GPHN: variants seen among roughly 807,000 people sequenced by gnomAD.
GPHN encodes the protein gephyrin.
GPHN carries 17 observed loss-of-function variants against 95.5 expected under a neutral mutation model. That is an observed-to-expected ratio of 0.18 (90% CI 0.12 to 0.27). The LOEUF (loss-of-function observed/expected upper bound fraction) is 0.27, where lower values mean the gene tolerates loss of function less well. Among genes scored for constraint, GPHN ranks in the 10% least tolerant of loss-of-function variants. GPHN has a pLI of 1.00. For missense variants in GPHN, 660 were observed against 978.1 expected, an observed-to-expected ratio of 0.67 and a Z score of 4.34; for synonymous variants, 320 against 322.5, an observed-to-expected ratio of 0.99 and a Z score of 0.08.
the GPHN span, chr14:67,388,443 T>A: frequency 7.9e-5 from 52 of 656,744 alleles, no homozygotes; most frequent in Non-Finnish European, 1.3e-4. Flanking sequence ...GGACATCACA[T>A]GGCCAAAGCT....
chr14:67,702,689 G>A, the GPHN span, among the ~76,000 whole-genome samples: 1 of 152,282 alleles, frequency 6.6e-6, no homozygotes, highest in African/African-American at 2.4e-5. Context: ...ACTAATTTAT[G>A]AGTGCTCATT....
chr14:66,844,022 G>T (rs777905237), intron 4 of GPHN, among the ~76,000 whole-genome samples: 5 of 151,770 alleles, frequency 3.3e-5, no homozygotes, highest in Non-Finnish European at 7.4e-5. Flanking sequence ...TTTTTAATAA[G>T]ACCAGAAGAT....
the GPHN span, among the ~76,000 whole-genome samples, chr14:67,234,264 G>C: frequency 6.6e-6 from 1 of 152,156 alleles, no homozygotes; most frequent in Non-Finnish European, 1.5e-5. Flanking sequence ...CAATTTTAGA[G>C]CTTTGGGACA....
At chr14:67,253,723 C>T in the GPHN span, among the ~76,000 whole-genome samples, 1 of 151,916 alleles carries the variant, frequency 6.6e-6, no homozygotes, top group Non-Finnish European at 1.5e-5. Flanking sequence ...TTCCTGTAGT[C>T]CCAGCTACTT....
At chr14:67,134,864 T>C (rs2079950554) in intron 17 of GPHN, among the ~76,000 whole-genome samples, 1 of 151,332 alleles carries the variant, frequency 6.6e-6, no homozygotes, top group Non-Finnish European at 1.5e-5. Flanking sequence ...TTCTCTTTCT[T>C]TTTTAATTTT....
chr14:66,913,691 C>G (rs1473755461), intron 5 of GPHN, among the ~76,000 whole-genome samples: 1 of 152,058 alleles, frequency 6.6e-6, no homozygotes, highest in Non-Finnish European at 1.5e-5. Context: ...TACTTACTAT[C>G]TTGTGTTGTA....
the GPHN span, chr14:67,204,942 A>G: frequency 6.2e-7 from 1 of 1,612,116 alleles, no homozygotes. Context: ...ATGAGGTCCC[A>G]GAGGTCCCGG....
chr14:66,999,556 C>A (rs771515344), intron 9 of GPHN, among the ~76,000 whole-genome samples: 1 of 151,674 alleles, frequency 6.6e-6, no homozygotes, highest in Non-Finnish European at 1.5e-5. Flanking sequence ...CCAGTTATTT[C>A]TTGGCCTTTG....
the GPHN span, among the ~76,000 whole-genome samples, chr14:67,433,241 C>A: frequency 6.6e-6 from 1 of 152,088 alleles, no homozygotes; most frequent in African/African-American, 2.4e-5. Context: ...AGGTGCTGGG[C>A]CTGGAGGGTG....
At chr14:67,562,316 G>A in the GPHN span, 1 of 1,613,972 alleles carries the variant, frequency 6.2e-7, no homozygotes, top group Non-Finnish European at 8.5e-7. Context: ...CAAGGACTCT[G>A]TTTCTGAAGC....
At chr14:67,393,302 G>C in the GPHN span, 1 of 1,136,590 alleles carries the variant, frequency 8.8e-7, no homozygotes, top group South Asian at 1.2e-5. Context: ...TATAAGGGAG[G>C]GTCCTGAGTC....
the GPHN span, chr14:67,321,388 A>G: frequency 1.2e-6 from 1 of 823,682 alleles, no homozygotes; most frequent in Non-Finnish European, 1.9e-6. Flanking sequence ...TTTCCCACTG[A>G]TTTGCTATCT....
At chr14:67,598,180 G>A in the GPHN span, among the ~76,000 whole-genome samples, 14 of 152,112 alleles carry the variant, frequency 9.2e-5, no homozygotes, top group East Asian at 1.9e-4. Context: ...CTCATAAACA[G>A]TTTTGAATAG....
chr14:67,079,225 G>A (rs1191846774), intron 11 of GPHN, among the ~76,000 whole-genome samples: 1 of 151,908 alleles, frequency 6.6e-6, no homozygotes, highest in South Asian at 2.1e-4. Context: ...AAAATTCAAA[G>A]TATTCAGTGT....
intron 10 of GPHN, among the ~76,000 whole-genome samples, chr14:67,027,279 T>C (rs577158763): frequency 6.6e-6 from 1 of 152,160 alleles, no homozygotes; most frequent in African/African-American, 2.4e-5. Flanking sequence ...ATAAAAAAAT[T>C]TTACAGATGA....
At chr14:67,638,423 C>T in the GPHN span, among the ~76,000 whole-genome samples, 2 of 151,998 alleles carry the variant, frequency 1.3e-5, no homozygotes, top group African/African-American at 2.4e-5. Flanking sequence ...TAGTAAAACC[C>T]GGGCAGTAGG....
intron 5 of GPHN, among the ~76,000 whole-genome samples, chr14:66,889,414 T>C (rs899049125): frequency 6.6e-6 from 1 of 152,136 alleles, no homozygotes; most frequent in African/African-American, 2.4e-5. Context: ...AGTATATTCT[T>C]CAAAGCATAT....
the GPHN span, among the ~76,000 whole-genome samples, chr14:67,375,044 G>A: frequency 1.3e-5 from 2 of 152,070 alleles, no homozygotes; most frequent in African/African-American, 4.8e-5. Flanking sequence ...TACTAGTTTT[G>A]GTTTTTTTCC....
chr14:67,459,444 T>C, the GPHN span, among the ~76,000 whole-genome samples: 1 of 152,244 alleles, frequency 6.6e-6, no homozygotes, highest in African/African-American at 2.4e-5. Context: ...CTATTCACTA[T>C]TTCATTTCTG....
Sources: allele counts gnomAD v4.1 joint callset (sites outside exome capture counted in the v4.1 genomes callset), GRCh38; gene constraint gnomAD v4.1.1; transcripts MANE v1.5; gene names NCBI Gene and HGNC (gene_info 2026-07-23, HGNC 2026-07-21).